SORCS2: variants seen among roughly 807,000 people sequenced by gnomAD.
SORCS2 encodes the protein sortilin related VPS10 domain containing receptor 2.
SORCS2 carries 100 observed loss-of-function variants against 141.6 expected under a neutral mutation model. The observed-to-expected ratio is 0.71, with a 90% CI of 0.60 to 0.83. The LOEUF (loss-of-function observed/expected upper bound fraction) is 0.83. Among genes scored for constraint, SORCS2 ranks in the 40% least tolerant of loss-of-function variants. The pLI, the probability that SORCS2 is intolerant of heterozygous loss-of-function variation, is 0.00. For missense variants in SORCS2, 1,646 were observed against 1,560.2 expected, an observed-to-expected ratio of 1.05 and a Z score of -0.93; for synonymous variants, 789 against 676.9, an observed-to-expected ratio of 1.17 and a Z score of -2.57.
chr4:7,625,883 G>C (rs2108837880), intron 3 of SORCS2, among the ~76,000 whole-genome samples: 1 of 150,818 alleles, frequency 6.6e-6, no homozygotes, highest in Middle Eastern at 3.4e-3. Flanking sequence ...TCACATCTGT[G>C]ATCTCAGCAC....
chr4:7,400,011 C>T (rs903192665), intron 2 of SORCS2, among the ~76,000 whole-genome samples: 2 of 152,148 alleles, frequency 1.3e-5, no homozygotes, highest in East Asian at 1.9e-4. Flanking sequence ...AACAAGCTCC[C>T]GAGTGCTGCC....
intron 4 of SORCS2, among the ~76,000 whole-genome samples, chr4:7,652,712 G>C (rs1721520981): frequency 6.6e-6 from 1 of 152,244 alleles, no homozygotes; most frequent in East Asian, 1.9e-4. Flanking sequence ...GCTGGGCCCA[G>C]GCCTGGCCTC....
intron 3 of SORCS2, among the ~76,000 whole-genome samples, chr4:7,548,362 A>G (rs1713429064): frequency 1.3e-5 from 2 of 152,286 alleles, no homozygotes; most frequent in South Asian, 4.1e-4. Flanking sequence ...GAGGTCTGCC[A>G]TCCACTTTGG....
At chr4:7,564,128 C>T (rs747839588) in intron 3 of SORCS2, among the ~76,000 whole-genome samples, 1 of 152,244 alleles carries the variant, frequency 6.6e-6, no homozygotes, top group Non-Finnish European at 1.5e-5. Flanking sequence ...CCCGGCTTCA[C>T]TGAGAGAGGT....
At chr4:7,546,626 A>G (rs958060523) in intron 3 of SORCS2, among the ~76,000 whole-genome samples, 5 of 152,186 alleles carry the variant, frequency 3.3e-5, no homozygotes, top group Non-Finnish European at 7.3e-5. Flanking sequence ...CCCCAAGGTC[A>G]TCGAAGGTCA....
intron 1 of SORCS2, among the ~76,000 whole-genome samples, chr4:7,306,893 G>T (rs1384042884): frequency 6.6e-6 from 1 of 152,232 alleles, no homozygotes; most frequent in Admixed American, 6.5e-5. Context: ...AATGGGGCTG[G>T]AGGGCTGGAC....
At chr4:7,390,566 C>T (rs1283342845) in intron 1 of SORCS2, among the ~76,000 whole-genome samples, 11 of 152,170 alleles carry the variant, frequency 7.2e-5, no homozygotes, top group Non-Finnish European at 1.6e-4. Flanking sequence ...GATTATTGCG[C>T]GTCTCTCCGT....
At chr4:7,469,027 A>G (rs1729801197) in intron 2 of SORCS2, among the ~76,000 whole-genome samples, 1 of 152,150 alleles carries the variant, frequency 6.6e-6, no homozygotes, top group Non-Finnish European at 1.5e-5. Context: ...GAAATGAGGA[A>G]CACTCCTAAA....
chr4:7,420,629 C>A (rs985166534), intron 2 of SORCS2, among the ~76,000 whole-genome samples: 2 of 152,100 alleles, frequency 1.3e-5, no homozygotes, highest in African/African-American at 2.4e-5. Context: ...GCACACCTTG[C>A]CTGCTTGTCC....
intron 1 of SORCS2, among the ~76,000 whole-genome samples, chr4:7,282,745 A>T (rs568850750): frequency 2.0e-5 from 3 of 152,262 alleles, no homozygotes; most frequent in Admixed American, 6.5e-5. Context: ...GAGTGGTGTG[A>T]TAGTCTCACC....
intron 1 of SORCS2, among the ~76,000 whole-genome samples, chr4:7,274,171 G>A (rs538820382): frequency 2.0e-5 from 3 of 152,276 alleles, no homozygotes; most frequent in South Asian, 2.1e-4. Context: ...AAACAGATCC[G>A]GCTGGACAGA....
chr4:7,222,266 A>C (rs965719735), intron 1 of SORCS2, among the ~76,000 whole-genome samples: 2 of 152,216 alleles, frequency 1.3e-5, no homozygotes, highest in African/African-American at 4.8e-5. Flanking sequence ...ACGGATGAAC[A>C]AAATGTGGCC....
At chr4:7,237,000 G>A (rs1042270874) in intron 1 of SORCS2, among the ~76,000 whole-genome samples, 4 of 152,228 alleles carry the variant, frequency 2.6e-5, no homozygotes, top group African/African-American at 2.4e-5. Context: ...AAGACTGGTC[G>A]GGTGGGGCTC....
chr4:7,662,776 T>C (rs546056641), intron 6 of SORCS2, among the ~76,000 whole-genome samples: 211 of 152,310 alleles, frequency 1.4e-3, no homozygotes, highest in African/African-American at 4.7e-3. Context: ...GGCTCCTGCA[T>C]GGCCATGTGG....
At chr4:7,253,275 G>A (rs1446322479) in intron 1 of SORCS2, among the ~76,000 whole-genome samples, 1 of 152,222 alleles carries the variant, frequency 6.6e-6, no homozygotes, top group Non-Finnish European at 1.5e-5. Context: ...AGCCTCGCCG[G>A]GGAGGAGAGA....
chr4:7,208,765 A>T (rs1577276915), intron 1 of SORCS2, among the ~76,000 whole-genome samples: 1 of 152,158 alleles, frequency 6.6e-6, no homozygotes, highest in Admixed American at 6.5e-5. Context: ...CTCTAGTCCT[A>T]TAGGGGAACC....
intron 2 of SORCS2, among the ~76,000 whole-genome samples, chr4:7,424,927 A>C (rs942584606): frequency 6.6e-6 from 1 of 152,240 alleles, no homozygotes; most frequent in Non-Finnish European, 1.5e-5. Context: ...CTCTGCTCCC[A>C]GGACACTGGC....
chr4:7,317,164 C>T (rs972307128), intron 1 of SORCS2, among the ~76,000 whole-genome samples: 17 of 152,140 alleles, frequency 1.1e-4, no homozygotes, highest in Admixed American at 9.2e-4. Flanking sequence ...CATGGTGTGC[C>T]TGGTGTAGTG....
intron 1 of SORCS2, among the ~76,000 whole-genome samples, chr4:7,209,948 A>C (rs1268563335): frequency 6.6e-6 from 1 of 152,168 alleles, no homozygotes; most frequent in South Asian, 2.1e-4. Flanking sequence ...GGTGAAGTCC[A>C]TGGTTGGGAC....
Sources: gnomAD v4.1 joint callset for allele counts (sites outside exome capture counted in the v4.1 genomes callset) on GRCh38, gnomAD v4.1.1 for gene constraint, MANE v1.5 for transcripts, NCBI Gene and HGNC (gene_info 2026-07-23, HGNC 2026-07-21) for gene names.